Variants in PPP6R2 observed in about 807,000 individuals in gnomAD.
The protein encoded by PPP6R2 is protein phosphatase 6 regulatory subunit 2.
Under a neutral mutation model 100.2 loss-of-function variants are expected in PPP6R2, and 62 were observed. The ratio of observed to expected loss-of-function variants is 0.62; its 90% CI spans 0.50 to 0.76. The LOEUF is 0.76. Ranked by LOEUF, PPP6R2 falls within the 30% of genes least tolerant of loss-of-function variation. The probability of loss-of-function intolerance (pLI) is 0.00; values close to 1 mark genes in which losing one functional copy is unlikely to be tolerated. For synonymous variants in PPP6R2, 525 were observed against 514.7 expected (o/e 1.02, Z -0.27); for missense variants, 1,142 against 1,276.3 (o/e 0.89, Z 1.60).
At chr22:50,357,504 T>TC (rs2046861830) in intron 1 of PPP6R2, among the ~76,000 whole-genome samples, 12 of 151,710 alleles carry the variant, frequency 7.9e-5, no homozygotes, top group African/African-American at 2.7e-4. Flanking sequence ...TCTCTCTCTC[T>TC]TTCTTTTTTG....
chr22:50,363,868 G>A (rs1414539945), intron 1 of PPP6R2, among the ~76,000 whole-genome samples: 1 of 152,038 alleles, frequency 6.6e-6, no homozygotes, highest in Non-Finnish European at 1.5e-5. Context: ...GAATAAGAAG[G>A]GAGTTGCTGT....
chr22:50,347,393 G>A (rs758283158), intron 1 of PPP6R2, among the ~76,000 whole-genome samples: 3 of 151,620 alleles, frequency 2.0e-5, no homozygotes, highest in Non-Finnish European at 2.9e-5. Context: ...AACACTACTC[G>A]TCTTTTCCTG....
chr22:50,371,510 A>C (rs1331295696), intron 1 of PPP6R2, among the ~76,000 whole-genome samples: 1 of 152,186 alleles, frequency 6.6e-6, no homozygotes, highest in East Asian at 1.9e-4. Context: ...AAAAAGAAAA[A>C]AAAAAGAAAA....
Position 50,443,951 on chromosome 22 carries a change from C to G in PPP6R2, c.2665C>G (p.Pro889Ala), listed in dbSNP as rs760833795. 1 of 1,610,848 alleles carries G rather than the reference C, an allele frequency of 6.2e-7. No individual in the cohort carries two copies. Among genetic ancestry groups the G allele is most frequent in the Non-Finnish European group, 8.5e-7 (1 of 1,179,072 alleles). ...TGCTGCCCCAGCCGTGGCTGTGCCC[C>G]CCGAGGCTACTGTGGCCATCACCAC... is the stretch of plus-strand genomic sequence containing the variant. The part of the protein sequence containing the change: ...VTAAPAVAVP[P>A]EATVAITTAL... Residue 889 changes from proline to alanine, a missense_variant, in exon 23 of 24, where the codon CCC becomes GCC. By Grantham distance (27) the Pro-to-Ala change is conservative. This residue lies in a region of PPP6R2 where 550 missense variants were observed against 517.4 expected (regional missense o/e 1.06). Coordinates refer to ENST00000612753, the MANE Select transcript of PPP6R2 (RefSeq NM_001242898.2).
intron 1 of PPP6R2, among the ~76,000 whole-genome samples, chr22:50,358,798 CATT>C (rs1206375034): frequency 2.0e-5 from 3 of 152,138 alleles, no homozygotes; most frequent in African/African-American, 7.2e-5. Context: ...ATTCTGCCAT[CATT>C]TGTTGAAAGG....
intron 1 of PPP6R2, among the ~76,000 whole-genome samples, chr22:50,369,564 C>T (rs1262984042): frequency 6.6e-6 from 1 of 152,090 alleles, no homozygotes; most frequent in Non-Finnish European, 1.5e-5. Flanking sequence ...GAGTCTCACT[C>T]TGTTGCCCAG....
chr22:50,377,437 C>T (rs1054217045), intron 2 of PPP6R2, among the ~76,000 whole-genome samples: 3 of 146,054 alleles, frequency 2.1e-5, no homozygotes, highest in African/African-American at 2.6e-5. Flanking sequence ...GAACAAGACC[C>T]TCTCTCAATA....
At chr22:50,442,925 G>A (rs1353923737) in intron 22 of PPP6R2, among the ~76,000 whole-genome samples, 2 of 151,422 alleles carry the variant, frequency 1.3e-5, no homozygotes, top group African/African-American at 4.8e-5. Flanking sequence ...AGCACTTTGG[G>A]AGGCCGAGGT....
chr22:50,438,010 C>T (rs1005457948), intron 17 of PPP6R2, 110 bp downstream of exon 17: 2 of 1,501,610 alleles, frequency 1.3e-6, no homozygotes, highest in Non-Finnish European at 1.8e-6. Flanking sequence ...GGAGAGGCCC[C>T]TCTGTGGAGC....
chr22:50,412,714 T>C (rs2059936739), intron 4 of PPP6R2, among the ~76,000 whole-genome samples: 1 of 131,956 alleles, frequency 7.6e-6, no homozygotes, highest in South Asian at 2.7e-4. Context: ...TGATCTCGGC[T>C]CACTGCAAGC....
At position 50,364,838 on chromosome 22, in the gene PPP6R2, G is replaced by T. The variant is rs573356562; in HGVS notation, c.-147-7182G>T. Among the ~76,000 whole-genome samples the T allele has an allele frequency of 7.2e-5, 11 of 152,224 alleles. No individual in the cohort carries two copies. The South Asian group carries it at 2.3e-3, about 32-fold the overall frequency. On this transcript the variant is annotated intron_variant, in intron 1 of 23. Transcript: ENST00000612753. The stretch of plus-strand genomic sequence containing the variant: ...GAGTGCCAAAGTTGTATTGTGTGCG[G>T]GTCCCACTTAATGTGTCATCGTGTA...
At chr22:50,407,012 A>G (rs1193139991) in intron 4 of PPP6R2, 137 bp downstream of exon 4, 2 of 909,610 alleles carry the variant, frequency 2.2e-6, no homozygotes, top group Admixed American at 2.0e-5. Context: ...CAACACGTGG[A>G]GCAGTGTGTG....
chr22:50,372,447 G>A (rs2050424108), intron 2 of PPP6R2, among the ~76,000 whole-genome samples: 1 of 151,978 alleles, frequency 6.6e-6, no homozygotes, highest in South Asian at 2.1e-4. Context: ...TACTCAGGAG[G>A]CTGAGGCAGG....
intron 10 of PPP6R2, among the ~76,000 whole-genome samples, chr22:50,424,678 G>A (rs1215269709): frequency 2.5e-5 from 3 of 118,078 alleles, no homozygotes; most frequent in Non-Finnish European, 4.9e-5. Context: ...TCTCTCTGTC[G>A]CCAGGCTGGA....
At chr22:50,430,070 A>G (rs1258898017) in intron 10 of PPP6R2, among the ~76,000 whole-genome samples, 1 of 152,254 alleles carries the variant, frequency 6.6e-6, no homozygotes, top group Non-Finnish European at 1.5e-5. Context: ...TCTGGGACAC[A>G]GGCTGCCGTG....
At chr22:50,391,313 A>G (rs562638154) in intron 2 of PPP6R2, among the ~76,000 whole-genome samples, 2 of 150,986 alleles carry the variant, frequency 1.3e-5, no homozygotes, top group African/African-American at 2.4e-5. Flanking sequence ...CATGCCTGTA[A>G]TCCCAACTAC....
At chr22:50,437,662 C>A in intron 16 of PPP6R2, 59 bp downstream of exon 16, 1 of 1,457,978 alleles carries the variant, frequency 6.9e-7, no homozygotes, top group Non-Finnish European at 9.6e-7. Flanking sequence ...GCTGAGCTCC[C>A]GTGGAGGCAG....
chr22:50,337,321 T>C, the PPP6R2 span, among the ~76,000 whole-genome samples: 1 of 137,512 alleles, frequency 7.3e-6, no homozygotes, highest in African/African-American at 2.8e-5. Context: ...CGCCTGCATG[T>C]GTGTGTGGTG....
intron 4 of PPP6R2, among the ~76,000 whole-genome samples, chr22:50,409,912 G>C (rs1405054917): frequency 6.6e-6 from 1 of 152,032 alleles, no homozygotes; most frequent in African/African-American, 2.4e-5. Flanking sequence ...TTTTTTAGTG[G>C]AGACAGAGTT....
Sources: gnomAD v4.1 joint callset for allele counts (sites outside exome capture counted in the v4.1 genomes callset) on GRCh38, gnomAD v4.1.1 for gene constraint, gnomAD v4.1.1 regional missense constraint, MANE v1.5 for transcripts, NCBI Gene and HGNC (gene_info 2026-07-23, HGNC 2026-07-21) for gene names.